Variants in DISC1 observed in about 807,000 individuals in gnomAD.
DISC1 encodes disrupted in schizophrenia 1 protein.
DISC1 carries 57 observed loss-of-function variants against 84.5 expected under a neutral mutation model. The observed-to-expected ratio is 0.67, with a 90% CI of 0.55 to 0.84. The LOEUF (loss-of-function observed/expected upper bound fraction) is 0.84. Ranked by LOEUF, DISC1 falls within the 40% of genes least tolerant of loss-of-function variation. The pLI is 0.00. For synonymous variants in DISC1, 411 were observed against 415.2 expected (o/e 0.99, Z 0.12); for missense variants, 1,000 against 1,057.8 (o/e 0.95, Z 0.76).
chr1:231,652,962 T>C (rs2060763983), intron 1 of DISC1, among the ~76,000 whole-genome samples: 1 of 152,158 alleles, frequency 6.6e-6, no homozygotes, highest in South Asian at 2.1e-4. Context: ...GTATTTTTAA[T>C]AGAGACGGGG....
At chr1:231,871,203 G>A (rs2085433510) in intron 9 of DISC1, among the ~76,000 whole-genome samples, 1 of 152,124 alleles carries the variant, frequency 6.6e-6, no homozygotes, top group Non-Finnish European at 1.5e-5. Context: ...ACTCCTTTTG[G>A]ACTAGGCTAC....
In DISC1 at chr1:231,800,139, T is replaced by C; in HGVS notation, c.1721T>C (p.Leu574Pro). Residue 574 changes from leucine (L) to proline (P), a missense_variant, in exon 8 of 13, where the codon CTG becomes CCG. By Grantham distance (98) the Leu-to-Pro change is moderately conservative. Coordinates refer to ENST00000439617, the MANE Select transcript of DISC1 (RefSeq NM_018662.3). ...VCMSEKFCST[L>P]RKKVNDIETQ... ...ATGAGTGAGAAATTCTGCAGCACCC[T>C]GAGGAAGAAAGTTAACGATATTGAA... 1 of 1,611,706 alleles carries C rather than the reference T, an allele frequency of 6.2e-7. No homozygotes were observed. The highest frequency in any genetic ancestry group is 1.3e-5 in the African/African-American group (1 of 74,754).
intron 9 of DISC1, among the ~76,000 whole-genome samples, chr1:231,838,877 G>A (rs940963634): frequency 3.9e-5 from 6 of 152,180 alleles, no homozygotes; most frequent in Non-Finnish European, 5.9e-5. Flanking sequence ...CATGTTGAGC[G>A]CCTCTCAGGT....
In DISC1 at chr1:231,886,764, T is replaced by G. The variant is rs1346891268; in HGVS notation, c.1981+68247T>G. Among the ~76,000 whole-genome samples, 446 of 94,792 alleles carry G rather than the reference T, an allele frequency of 4.7e-3. 2 individuals carry two copies. The highest frequency in any genetic ancestry group is 0.016 in the African/African-American group (406 of 25,758). 62.2% of individuals were successfully genotyped at this position (94,792 alleles called of 152,430 possible). On this transcript the variant is annotated intron_variant, in intron 9 of 12. Coordinates refer to ENST00000439617, the MANE Select transcript of DISC1 (RefSeq NM_018662.3). The stretch of plus-strand genomic sequence containing the variant: ...TTCTCTTTCTTCCTTTCTTCCTTCC[T>G]TCCTTTCTTTCTTTCTTTCTTTCTT...
intron 3 of DISC1, chr1:231,721,177 C>A: frequency 9.0e-7 from 1 of 1,111,726 alleles, no homozygotes; most frequent in Non-Finnish European, 1.2e-6. Context: ...GGAAATAATA[C>A]ATATAAAAAC....
At chr1:231,886,065 A>T (rs773439838) in intron 9 of DISC1, among the ~76,000 whole-genome samples, 1 of 152,096 alleles carries the variant, frequency 6.6e-6, no homozygotes, top group African/African-American at 2.4e-5. Flanking sequence ...AAAGCAAGCA[A>T]GGGGGGGCCA....
At chr1:231,732,556 T>C (rs761393632) in intron 3 of DISC1, among the ~76,000 whole-genome samples, 3 of 152,186 alleles carry the variant, frequency 2.0e-5, no homozygotes, top group Admixed American at 6.5e-5. Flanking sequence ...TTTGTAGAGA[T>C]CCTTTGTAGA....
At chr1:232,023,064 C>T (rs1572667457) in intron 11 of DISC1, among the ~76,000 whole-genome samples, 1 of 150,346 alleles carries the variant, frequency 6.7e-6, no homozygotes, top group Non-Finnish European at 1.5e-5. Flanking sequence ...AATTTTCTTC[C>T]TTTTTCATTA....
intron 1 of DISC1, among the ~76,000 whole-genome samples, chr1:231,661,778 G>A (rs1234821762): frequency 6.6e-6 from 1 of 152,164 alleles, no homozygotes; most frequent in Non-Finnish European, 1.5e-5. Context: ...GCCCAGTTCT[G>A]TTCCCTTGCT....
intron 1 of DISC1, among the ~76,000 whole-genome samples, chr1:231,651,579 T>C (rs912053166): frequency 6.6e-6 from 1 of 152,214 alleles, no homozygotes; most frequent in African/African-American, 2.4e-5. Context: ...TCTGTTCTCA[T>C]AGCTCAAACA....
chr1:231,683,358 C>T (rs1368673409), intron 1 of DISC1, among the ~76,000 whole-genome samples: 4 of 151,636 alleles, frequency 2.6e-5, no homozygotes, highest in South Asian at 2.1e-4. Flanking sequence ...GCCCATCCCT[C>T]GATGTTGTAA....
At position 232,041,167 on chromosome 1, in the gene DISC1, T is replaced by G. The variant is rs1366061823; in HGVS notation, c.*4336T>G. 1.3e-5 allele frequency: 2 copies of G among 152,230 alleles called. No homozygotes were observed. The highest frequency in any genetic ancestry group is 4.8e-5 in the African/African-American group (2 of 41,446). The allele number at this position is 152,230 out of a possible 1,614,324, so 9.4% of individuals were successfully genotyped here. A position where few individuals can be genotyped will look rare whatever the true frequency, so the allele number is the denominator to read the frequency against. ...GATTTTTTGTCCTTTGAAGTATGGA[T>G]GATAGAAAAATGTATCAGGTTTATT... is the stretch of plus-strand genomic sequence containing the variant. On this transcript the variant is annotated 3_prime_UTR_variant, in exon 13 of 13. Transcript: ENST00000439617.
intron 9 of DISC1, among the ~76,000 whole-genome samples, chr1:231,867,232 A>G (rs971311353): frequency 6.6e-5 from 10 of 152,216 alleles, no homozygotes; most frequent in Non-Finnish European, 1.5e-4. Context: ...AAAATCTTCC[A>G]TGACTTATTC....
intron 9 of DISC1, among the ~76,000 whole-genome samples, chr1:231,841,870 CA>C (rs1377004768): frequency 6.6e-6 from 1 of 152,118 alleles, no homozygotes; most frequent in East Asian, 1.9e-4. Context: ...GACACACACA[CA>C]AAAAGAGCAA....
intron 9 of DISC1, among the ~76,000 whole-genome samples, chr1:231,899,738 T>G (rs2087998497): frequency 6.6e-6 from 1 of 152,220 alleles, no homozygotes; most frequent in African/African-American, 2.4e-5. Flanking sequence ...AGCATTTGAT[T>G]ATTGTTTTCT....
At chr1:231,644,781 A>G (rs980482130) in intron 1 of DISC1, among the ~76,000 whole-genome samples, 2 of 151,802 alleles carry the variant, frequency 1.3e-5, no homozygotes, top group Non-Finnish European at 2.9e-5. Context: ...AGTTCTTTCT[A>G]TATCTTTGTA....
intron 7 of DISC1, among the ~76,000 whole-genome samples, chr1:231,797,436 C>G (rs192488675): frequency 1.4e-3 from 206 of 152,280 alleles, no homozygotes; most frequent in African/African-American, 4.6e-3. Flanking sequence ...CACTTTGAAG[C>G]CTGGAAGTCT....
chr1:231,934,491 A>G (rs572376030), intron 9 of DISC1, among the ~76,000 whole-genome samples: 1 of 152,352 alleles, frequency 6.6e-6, no homozygotes, highest in African/African-American at 2.4e-5. Context: ...CATAGCACAG[A>G]TAAGTGAAGA....
chr1:231,823,239 T>A (rs2081623386), intron 9 of DISC1, among the ~76,000 whole-genome samples: 1 of 68,824 alleles, frequency 1.5e-5, no homozygotes, highest in Non-Finnish European at 2.9e-5. Flanking sequence ...TAGAAGAAAC[T>A]GATGAAAAAG....
Sources: gnomAD v4.1 joint callset for allele counts (sites outside exome capture counted in the v4.1 genomes callset) on GRCh38, gnomAD v4.1.1 for gene constraint, MANE v1.5 for transcripts, NCBI Gene and HGNC (gene_info 2026-07-23, HGNC 2026-07-21) for gene names.